The following SOS2 variants were observed in gnomAD, a reference collection of about 807,000 sequenced individuals.
SOS2 encodes the protein SOS Ras/Rho guanine nucleotide exchange factor 2.
Under a neutral mutation model 148.2 loss-of-function variants are expected in SOS2, and 65 were observed. That is an observed-to-expected ratio of 0.44 (90% CI 0.36 to 0.54). The LOEUF (loss-of-function observed/expected upper bound fraction) is 0.54. SOS2 is among the 20% of genes least tolerant of loss of function. The pLI, the probability that SOS2 is intolerant of heterozygous loss-of-function variation, is 0.00. For synonymous variants in SOS2, 539 were observed against 537.1 expected, an observed-to-expected ratio of 1.00 and a Z score of -0.05; for missense variants, 1,341 against 1,590.2, an observed-to-expected ratio of 0.84 and a Z score of 2.67.
At chr14:50,123,436 C>T (rs1210476163) in intron 21 of SOS2, among the ~76,000 whole-genome samples, 1 of 131,600 alleles carries the variant, frequency 7.6e-6, no homozygotes, top group Admixed American at 9.1e-5. Flanking sequence ...GGCTGGAGAG[C>T]AGTGGTGTGA....
intron 4 of SOS2, among the ~76,000 whole-genome samples, chr14:50,191,406 C>G (rs1025539327): frequency 6.6e-6 from 1 of 152,126 alleles, no homozygotes; most frequent in Non-Finnish European, 1.5e-5. Flanking sequence ...GAATTCGAAG[C>G]TGCAGTGAGC....
At chr14:50,181,741 T>C (rs1885747885) in intron 6 of SOS2, among the ~76,000 whole-genome samples, 1 of 152,090 alleles carries the variant, frequency 6.6e-6, no homozygotes, top group African/African-American at 2.4e-5. Context: ...CACAGAAATA[T>C]ATAAGGATAA....
intron 16 of SOS2, 105 bp from the exon 17 acceptor site, chr14:50,140,164 A>AT (rs1175574963): frequency 3.0e-5 from 18 of 591,652 alleles, no homozygotes; most frequent in South Asian, 1.8e-4. Flanking sequence ...CTGGAAAACA[A>AT]TTTTTTTACA....
rs943283229 is a variant in SOS2 at position 50,188,350 on chromosome 14, G to A, written c.714+147C>T. The stretch of plus-strand genomic sequence containing the variant: ...CCCGGGAGGTGGAGGCTGCAGTGGT[G>A]CGAGCTGAGATCACGCCACTGCACT... On this transcript the variant is annotated intron_variant, in intron 5 of 22. Coordinates refer to ENST00000216373, the MANE Select transcript of SOS2 (RefSeq NM_006939.4). 5.1e-6 allele frequency: 3 copies of A among 585,560 alleles called. No homozygotes were observed. The African/African-American group carries it at 5.8e-5, about 11-fold the overall frequency. 36.3% of individuals were successfully genotyped at this position (585,560 alleles called of 1,614,324 possible).
rs187436762 is a variant in SOS2, at chr14:50,213,721, T to C, written c.88-9312A>G. Among the ~76,000 whole-genome samples, 200 of 151,776 alleles carry C rather than the reference T, an allele frequency of 1.3e-3. 1 individual carries two copies. The highest frequency in any genetic ancestry group is 4.6e-3 in the African/African-American group (191 of 41,364). On this transcript the variant is annotated intron_variant, in intron 1 of 22. Coordinates refer to ENST00000216373, the MANE Select transcript of SOS2 (RefSeq NM_006939.4). ...AATAGCATTTACAGTCATAATAATGTAAACTTTGAATATTAATCCAACTCA... is the reference window on the plus strand; with the variant it reads ...AATAGCATTTACAGTCATAATAATGCAAACTTTGAATATTAATCCAACTCA...
At chr14:50,134,803 G>A (rs1884018899) in intron 18 of SOS2, among the ~76,000 whole-genome samples, 1 of 152,050 alleles carries the variant, frequency 6.6e-6, no homozygotes, top group Non-Finnish European at 1.5e-5. Flanking sequence ...GCCGAGCACG[G>A]TGGCTCACGC....
chr14:50,186,888 GAA>G (rs1278714285), intron 5 of SOS2, among the ~76,000 whole-genome samples: 1 of 152,192 alleles, frequency 6.6e-6, no homozygotes, highest in Non-Finnish European at 1.5e-5. Context: ...AATATAATGA[GAA>G]AAGCTAAATC....
At chr14:50,195,499 C>T (rs2139764140) in intron 4 of SOS2, among the ~76,000 whole-genome samples, 1 of 152,298 alleles carries the variant, frequency 6.6e-6, no homozygotes, top group Middle Eastern at 3.4e-3. Context: ...CAGTGGCCAA[C>T]ACCTGTAATC....
At position 50,129,963 on chromosome 14, in the gene SOS2, G is replaced by T; in HGVS notation, c.3377C>A (p.Ser1126Ter). 1 of 1,577,006 alleles carries T rather than the reference G, an allele frequency of 6.3e-7. No homozygotes were observed. The highest frequency in any genetic ancestry group is 8.7e-7 in the Non-Finnish European group (1 of 1,150,912). The change falls in exon 21 of 23, where the codon TCA becomes TAA. Residue 1126 changes from serine to a stop codon, truncating the protein, a stop_gained and splice_region_variant. Coordinates refer to ENST00000216373, the MANE Select transcript of SOS2 (RefSeq NM_006939.4). LOFTEE classifies it high-confidence loss of function. ...SIFAPVLLPH[S>*]KSFFSSCGSL... is the part of the protein sequence containing the mutation. ...GAATCAACTTAAATTATACTTACTTGAATGTGGCAAAAGCACTGGAGCAAA... is the reference window on the plus strand; with the variant it reads ...GAATCAACTTAAATTATACTTACTTTAATGTGGCAAAAGCACTGGAGCAAA...
At chr14:50,137,086 G>A (rs536087907) in intron 18 of SOS2, among the ~76,000 whole-genome samples, 25 of 152,092 alleles carry the variant, frequency 1.6e-4, no homozygotes, top group African/African-American at 3.4e-4. Context: ...AATATGACAC[G>A]TAAACTTATT....
At chr14:50,147,948 C>T (rs947642889) in intron 14 of SOS2, among the ~76,000 whole-genome samples, 5 of 152,156 alleles carry the variant, frequency 3.3e-5, no homozygotes, top group Non-Finnish European at 5.9e-5. Flanking sequence ...CAGTGAGACC[C>T]TATCTCTTTT....
At chr14:50,197,311 C>G (rs932017860) in intron 4 of SOS2, among the ~76,000 whole-genome samples, 2 of 152,192 alleles carry the variant, frequency 1.3e-5, no homozygotes, top group African/African-American at 2.4e-5. Flanking sequence ...AAAACAGTAA[C>G]TTCACAGATG....
chr14:50,184,433 A>G (rs1208549610), intron 5 of SOS2, among the ~76,000 whole-genome samples: 1 of 152,176 alleles, frequency 6.6e-6, no homozygotes, highest in Non-Finnish European at 1.5e-5. Context: ...GAGTGATAAT[A>G]ATGTCTTTTG....
chr14:50,222,783 A>G (rs1887238879), intron 1 of SOS2, among the ~76,000 whole-genome samples: 1 of 152,210 alleles, frequency 6.6e-6, no homozygotes, highest in Non-Finnish European at 1.5e-5. Context: ...CCTAGACTGC[A>G]GAGGGCCTAG....
intron 18 of SOS2, among the ~76,000 whole-genome samples, chr14:50,137,250 T>G (rs897205918): frequency 1.3e-5 from 2 of 152,174 alleles, no homozygotes; most frequent in Non-Finnish European, 2.9e-5. Context: ...AAATAGAACA[T>G]CAATCGACAG....
intron 21 of SOS2, among the ~76,000 whole-genome samples, chr14:50,128,592 G>A (rs1005673773): frequency 2.0e-5 from 3 of 152,190 alleles, no homozygotes; most frequent in Admixed American, 2.0e-4. Flanking sequence ...GAGGAGATCA[G>A]TAAACATTGT....
In SOS2 at chr14:50,222,147, T is replaced by G. The variant is rs568059664; in HGVS notation, c.87+9050A>C. Reference sequence around the variant, plus strand: ...GGTATTTAAATTCCATTCAGCACATTTAAAAGACTGATGCAACTGTTTTAC... The same window carrying G: ...GGTATTTAAATTCCATTCAGCACATGTAAAAGACTGATGCAACTGTTTTAC... On this transcript the variant is annotated intron_variant, in intron 1 of 22. Transcript: ENST00000216373. Among the ~76,000 whole-genome samples, 4 of 152,288 alleles carry G rather than the reference T, an allele frequency of 2.6e-5. No individual in the cohort carries two copies. In the South Asian group the frequency reaches 8.3e-4, roughly 32 times the overall value.
chr14:50,145,599 A>G lies in SOS2; in HGVS notation c.2385-3T>C, dbSNP rs374402293. 44 of 1,574,710 alleles carry G rather than the reference A, an allele frequency of 2.8e-5. No individual in the cohort carries two copies. The African/African-American group carries it at 5.5e-4, about 20-fold the overall frequency. On this transcript the variant is annotated splice_polypyrimidine_tract_variant and splice_region_variant and intron_variant, in intron 14 of 22. Coordinates refer to ENST00000216373, the MANE Select transcript of SOS2 (RefSeq NM_006939.4). Reference sequence around the variant, plus strand: ...CAAGTTCAGACGGTTGAACTTTCCTATGGAATTGAAAATCAGTGCAACTTA... The same window carrying G: ...CAAGTTCAGACGGTTGAACTTTCCTGTGGAATTGAAAATCAGTGCAACTTA...
At chr14:50,193,946 T>C (rs1886237897) in intron 4 of SOS2, among the ~76,000 whole-genome samples, 2 of 152,192 alleles carry the variant, frequency 1.3e-5, no homozygotes, top group South Asian at 4.1e-4. Context: ...GGTTTCACCA[T>C]GTTGCCCAGG....
Sources: gnomAD v4.1 joint callset for allele counts (sites outside exome capture counted in the v4.1 genomes callset) on GRCh38, gnomAD v4.1.1 for gene constraint, MANE v1.5 for transcripts, NCBI Gene and HGNC (gene_info 2026-07-23, HGNC 2026-07-21) for gene names.